GRB2: variants seen among roughly 807,000 people sequenced by gnomAD.
The protein encoded by GRB2 is growth factor receptor-bound protein 2.
In GRB2, 2 loss-of-function variants were observed where a neutral mutation model predicts 27.4. That is an observed-to-expected ratio of 0.07 (90% CI 0.03 to 0.23). GRB2 has a LOEUF of 0.23. Ranked by LOEUF, GRB2 falls within the 10% of genes least tolerant of loss-of-function variation. The pLI is 1.00. For missense variants in GRB2, 102 were observed against 282.4 expected (o/e 0.36, Z 4.58); for synonymous variants, 94 against 99.6 (o/e 0.94, Z 0.33).
chr17:75,321,719 T>C lies in GRB2; in HGVS notation c.408A>G (p.Arg136=). 3 of 1,614,098 alleles carry C rather than the reference T, an allele frequency of 1.9e-6. No homozygotes were observed. Among genetic ancestry groups the C allele is most frequent in the South Asian group, 1.1e-5 (1 of 91,080 alleles). ...NSLNELVDYH[R]STSVSRNQQI... ...GCTGGTTTCTGGAGACAGATGTAGA[T>C]CTGTGATAATCCACCAGCTCATTCA... Residue 136 remains arginine (R), a synonymous_variant, in exon 5 of 6, where the codon AGA becomes AGG. Coordinates refer to ENST00000316804, the MANE Select transcript of GRB2 (RefSeq NM_002086.5).
In GRB2 at chr17:75,389,569, G is replaced by A. The variant is rs753671888; in HGVS notation, c.78+3982C>T. On this transcript the variant is annotated intron_variant, in intron 2 of 5. Transcript: ENST00000316804. The stretch of plus-strand genomic sequence containing the variant: ...TTAAGAAATTTTAAAAGATCTTGCC[G>A]GGCGCGGTGGCTCACGCCTGTAATC... Among the ~76,000 whole-genome samples, 12 of 152,158 alleles carry A rather than the reference G, an allele frequency of 7.9e-5. No homozygotes were observed. The South Asian group carries it at 1.2e-3, about 16-fold the overall frequency.
chr17:75,320,340 C>A lies in GRB2; in HGVS notation c.*28G>T. 6.3e-7 allele frequency: 1 copy of A among 1,592,846 alleles called. No homozygotes were observed. ...TTTTGTATGTGTTTTACATTTTTCACTTTCTTTAAATAATTGCTTCTTGAC... is the reference window on the plus strand; with the variant it reads ...TTTTGTATGTGTTTTACATTTTTCAATTTCTTTAAATAATTGCTTCTTGAC... On this transcript the variant is annotated 3_prime_UTR_variant, in exon 6 of 6. Coordinates refer to ENST00000316804, the MANE Select transcript of GRB2 (RefSeq NM_002086.5). The surrounding 1 kb of genome is among the most constrained non-coding windows in gnomAD (Gnocchi z 4.3).
chr17:75,364,171 C>T (rs993291886), intron 2 of GRB2, among the ~76,000 whole-genome samples: 10 of 152,108 alleles, frequency 6.6e-5, no homozygotes, highest in African/African-American at 9.7e-5. Context: ...ATTAATAGTA[C>T]GCATAGCCAC....
chr17:75,405,451 G>A (rs1309497629), intron 1 of GRB2, 38 bp downstream of exon 1: 1 of 152,304 alleles, frequency 6.6e-6, no homozygotes, highest in African/African-American at 2.4e-5. Context: ...AGAGGAAAAG[G>A]CACGAGAGAG....
At chr17:75,392,441 C>T (rs751402137) in intron 2 of GRB2, among the ~76,000 whole-genome samples, 3 of 152,178 alleles carry the variant, frequency 2.0e-5, no homozygotes, top group East Asian at 1.9e-4. Context: ...TAGAACTCTA[C>T]GCCTTGGGCA....
intron 1 of GRB2, among the ~76,000 whole-genome samples, chr17:75,404,473 G>C (rs1276878168): frequency 1.3e-5 from 2 of 149,824 alleles, no homozygotes; most frequent in Non-Finnish European, 2.9e-5. Flanking sequence ...CAGCACGAAA[G>C]GGAAGAAACC....
At chr17:75,367,196 G>A (rs762526558) in intron 2 of GRB2, among the ~76,000 whole-genome samples, 17 of 151,928 alleles carry the variant, frequency 1.1e-4, no homozygotes, top group Non-Finnish European at 1.9e-4. Flanking sequence ...TTCAGGACAG[G>A]GTCTTACTCT....
At chr17:75,333,985 G>A (rs907256182) in intron 2 of GRB2, among the ~76,000 whole-genome samples, 1 of 152,108 alleles carries the variant, frequency 6.6e-6, no homozygotes, top group Admixed American at 6.5e-5. Flanking sequence ...CATGTACCAG[G>A]CCATGCATAG....
At chr17:75,350,098 C>T (rs1194966433) in intron 2 of GRB2, among the ~76,000 whole-genome samples, 1 of 151,666 alleles carries the variant, frequency 6.6e-6, no homozygotes, top group Non-Finnish European at 1.5e-5. Context: ...GGCACAGTGG[C>T]ATATGCCTGC....
At chr17:75,334,994 A>T (rs1224325179) in intron 2 of GRB2, among the ~76,000 whole-genome samples, 1 of 151,684 alleles carries the variant, frequency 6.6e-6, no homozygotes, top group Non-Finnish European at 1.5e-5. Context: ...CTGGGACTAT[A>T]GGCACTTGCC....
At chr17:75,333,964 CT>C (rs1222005846) in intron 2 of GRB2, among the ~76,000 whole-genome samples, 1 of 152,120 alleles carries the variant, frequency 6.6e-6, no homozygotes, top group African/African-American at 2.4e-5. Flanking sequence ...CCAATGCTGC[CT>C]CTTGAATTGC....
intron 2 of GRB2, among the ~76,000 whole-genome samples, chr17:75,378,851 T>C (rs1255492132): frequency 6.6e-6 from 1 of 152,210 alleles, no homozygotes; most frequent in African/African-American, 2.4e-5. Flanking sequence ...ACAAATTCAC[T>C]GGGATATATG....
At chr17:75,335,166 G>A (rs143428193) in intron 2 of GRB2, among the ~76,000 whole-genome samples, 138 of 152,182 alleles carry the variant, frequency 9.1e-4, no homozygotes, top group African/African-American at 3.2e-3. Context: ...TAGTATATAC[G>A]GAGCAGAACA....
chr17:75,400,570 G>A (rs766312367), intron 1 of GRB2, among the ~76,000 whole-genome samples: 2 of 151,428 alleles, frequency 1.3e-5, no homozygotes, highest in Non-Finnish European at 2.9e-5. Flanking sequence ...CACCTCCTGC[G>A]TTCAAGCGAT....
chr17:75,377,613 A>T (rs1598247357), intron 2 of GRB2, among the ~76,000 whole-genome samples: 3 of 150,956 alleles, frequency 2.0e-5, no homozygotes, highest in Admixed American at 6.6e-5. Flanking sequence ...AAAAAAAAAA[A>T]AAAAAAAAAA....
intron 2 of GRB2, among the ~76,000 whole-genome samples, chr17:75,366,567 G>A (rs1370116692): frequency 6.6e-6 from 1 of 151,576 alleles, no homozygotes; most frequent in Non-Finnish European, 1.5e-5. Flanking sequence ...GGGAGGCTGA[G>A]GCGGGCGGAT....
At chr17:75,371,275 G>GC (rs994348504) in intron 2 of GRB2, 1 of 151,526 alleles carries the variant, frequency 6.6e-6, no homozygotes, top group African/African-American at 2.4e-5. Flanking sequence ...CAAGGTGCTG[G>GC]CAAGGAAAAT....
intron 3 of GRB2, among the ~76,000 whole-genome samples, chr17:75,331,989 G>C (rs886483035): frequency 1.3e-5 from 2 of 152,132 alleles, no homozygotes; most frequent in East Asian, 3.8e-4. Flanking sequence ...GGGCATTCTA[G>C]TCTGAGCGTG....
chr17:75,364,421 G>A (rs1188081071), intron 2 of GRB2, among the ~76,000 whole-genome samples: 5 of 152,140 alleles, frequency 3.3e-5, no homozygotes, highest in Non-Finnish European at 7.4e-5. Context: ...TCTGTAAGGT[G>A]TATAGGTACT....
Sources: gnomAD v4.1 joint callset for allele counts (sites outside exome capture counted in the v4.1 genomes callset) on GRCh38, gnomAD v4.1.1 for gene constraint, Gnocchi (gnomAD v3.1) non-coding constraint, MANE v1.5 for transcripts, NCBI Gene and HGNC (gene_info 2026-07-23, HGNC 2026-07-21) for gene names.